Variants in PTPRH observed in about 807,000 individuals in gnomAD.
PTPRH encodes protein tyrosine phosphatase receptor type H.
Under a neutral mutation model 130.2 loss-of-function variants are expected in PTPRH, and 113 were observed. The observed-to-expected ratio is 0.87, with a 90% CI of 0.75 to 1.01. The LOEUF (loss-of-function observed/expected upper bound fraction) is 1.01, where lower values mean the gene tolerates loss of function less well. Ranked by LOEUF, PTPRH falls within the 50% of genes least tolerant of loss-of-function variation. The pLI is 0.00. For missense variants in PTPRH, 1,430 were observed against 1,425.0 expected (o/e 1.00, Z -0.06); for synonymous variants, 556 against 577.9 (o/e 0.96, Z 0.54).
intron 10 of PTPRH, chr19:55,194,252 A>G (rs2086623543): frequency 1.6e-6 from 2 of 1,289,664 alleles, no homozygotes; most frequent in Admixed American, 2.3e-5. Flanking sequence ...CCTATGGCCC[A>G]TCTTCATCAG....
At chr19:55,207,309 A>C in intron 1 of PTPRH, 110 bp from the exon 2 acceptor site, 1 of 1,240,038 alleles carries the variant, frequency 8.1e-7, no homozygotes, top group Non-Finnish European at 1.1e-6. Context: ...TCACCCTTGC[A>C]TGGGAAGGAG....
At chr19:55,189,361 A>G (rs2086457162) in intron 12 of PTPRH, among the ~76,000 whole-genome samples, 1 of 152,158 alleles carries the variant, frequency 6.6e-6, no homozygotes, top group Admixed American at 6.6e-5. Flanking sequence ...TCACTAGCCT[A>G]TTCAAAATCT....
Position 55,198,777 on chromosome 19 carries a change from TC to T in PTPRH, c.1555del (p.Asp519ThrfsTer14). On this transcript the variant is annotated frameshift_variant, in exon 8 of 20. Transcript: ENST00000376350. LOFTEE classifies it high-confidence loss of function. ...WVSWVREGMT[D>X]PRTQSTSGTD... Reference sequence around the variant, plus strand: ...ACCTGAGGTGCTTTGGGTCCTGGGGTCAGTCATGCCTTCCCTGACCCATGAG... The same window carrying T: ...ACCTGAGGTGCTTTGGGTCCTGGGGTAGTCATGCCTTCCCTGACCCATGAG... 1 of 1,613,602 alleles carries T rather than the reference TC, an allele frequency of 6.2e-7. No individual in the cohort carries two copies. The highest frequency in any genetic ancestry group is 8.5e-7 in the Non-Finnish European group (1 of 1,179,790).
intron 3 of PTPRH, 25 bp downstream of exon 3, chr19:55,206,664 A>C: frequency 6.4e-7 from 1 of 1,554,616 alleles, no homozygotes; most frequent in Non-Finnish European, 8.7e-7. Flanking sequence ...AAAGAAATAA[A>C]AATAAAGCAG....
Position 55,204,029 on chromosome 19 carries a change from G to A in PTPRH, c.639C>T (p.Asn213=), listed in dbSNP as rs932203607. ...TGGTGGTCTGAGCCTCCACTCTCAGGTTCCTCACTGGGTTGTGAGCTGAGA... is the reference window on the plus strand; with the variant it reads ...TGGTGGTCTGAGCCTCCACTCTCAGATTCCTCACTGGGTTGTGAGCTGAGA... ...NATTAHNPVR[N]LRVEAQTTSS... The change falls in exon 5 of 20, where the codon AAC becomes AAT. Residue 213 remains asparagine (N), a synonymous_variant. Coordinates refer to ENST00000376350, the MANE Select transcript of PTPRH (RefSeq NM_002842.5). 20 of 1,613,730 alleles carry A rather than the reference G, an allele frequency of 1.2e-5. No homozygotes were observed. Among genetic ancestry groups the A allele is most frequent in the Non-Finnish European group, 1.6e-5 (19 of 1,179,808 alleles).
At chr19:55,198,413 C>G (rs1176650138) in intron 8 of PTPRH, among the ~76,000 whole-genome samples, 1 of 152,106 alleles carries the variant, frequency 6.6e-6, no homozygotes, top group Non-Finnish European at 1.5e-5. Context: ...CCCCCTGACC[C>G]CAAAGAGTCC....
At position 55,191,663 on chromosome 19, in the gene PTPRH, C is replaced by A. The variant is rs777128912; in HGVS notation, c.2336G>T (p.Arg779Met). Residue 779 changes from arginine to methionine, a missense_variant and splice_region_variant, in exon 11 of 20, where the codon AGG becomes ATG. By Grantham distance (91) the Arg-to-Met change is moderately conservative. Transcript: ENST00000376350. ...VGLLIFFLKR[R>M]NKKKQQKPEL... Reference sequence around the variant, plus strand: ...CGGTCAGCCCTGTGCTGAGTCTCACCTCCTCTTCAGGAAGAAAATCAGCAG... The same window carrying A: ...CGGTCAGCCCTGTGCTGAGTCTCACATCCTCTTCAGGAAGAAAATCAGCAG... The A allele has an allele frequency of 9.3e-6, 15 of 1,614,002 alleles. No homozygotes were observed. Among genetic ancestry groups the A allele is most frequent in the South Asian group, 8.8e-5 (8 of 91,070 alleles).
rs2147493436 is a variant in PTPRH, at chr19:55,196,662, G to A, written c.2117C>T (p.Ser706Phe). The A allele has an allele frequency of 6.2e-7, 1 of 1,614,016 alleles. No individual in the cohort carries two copies. Among genetic ancestry groups the A allele is most frequent in the Non-Finnish European group, 8.5e-7 (1 of 1,180,000 alleles). The change falls in exon 10 of 20, where the codon TCC becomes TTC. Residue 706 changes from serine (S) to phenylalanine (F), a missense_variant. Coordinates refer to ENST00000376350, the MANE Select transcript of PTPRH (RefSeq NM_002842.5). ...FELEVGGQRG[S>F]QDRSSCGEAV... The stretch of plus-strand genomic sequence containing the variant: ...CTCCCCACATGAAGATCTGTCCTGG[G>A]AGCCCCGCTGTCCTCCCACCTCCAA...
intron 13 of PTPRH, 95 bp from the exon 14 acceptor site, chr19:55,187,698 C>T (rs1673348319): frequency 2.3e-6 from 2 of 888,840 alleles, no homozygotes; most frequent in African/African-American, 3.3e-5. Context: ...TCGGCATCAC[C>T]CCTTGTTTAT....
In PTPRH at chr19:55,200,174, C is replaced by T. The variant is rs917981634; in HGVS notation, c.1420+62G>A. On this transcript the variant is annotated intron_variant, in intron 7 of 19. Transcript: ENST00000376350. ...GAGCCAGAGCCCAGAAGAGGTGCCA[C>T]GCCGCTCCTGCTGGTTCTTAACCTC... 14 of 1,577,710 alleles carry T rather than the reference C, an allele frequency of 8.9e-6. No individual in the cohort carries two copies. In the East Asian group the frequency reaches 1.1e-4, roughly 13 times the overall value.
At chr19:55,204,322 C>G (rs1194404921) in intron 4 of PTPRH, among the ~76,000 whole-genome samples, 1 of 152,158 alleles carries the variant, frequency 6.6e-6, no homozygotes, top group Non-Finnish European at 1.5e-5. Context: ...CCAGGCTGGT[C>G]TCGAACTCCT....
chr19:55,186,035 T>TG (rs1356192797), intron 16 of PTPRH, 51 bp from the exon 17 acceptor site: 1 of 1,612,904 alleles, frequency 6.2e-7, no homozygotes, highest in Non-Finnish European at 8.5e-7. Flanking sequence ...CCCAGGTCTG[T>TG]GGGGTCTGCT....
chr19:55,197,405 C>G lies in PTPRH; in HGVS notation c.1702G>C (p.Val568Leu), dbSNP rs761765123. 1.2e-6 allele frequency: 2 copies of G among 1,612,116 alleles called. No individual in the cohort carries two copies. Among genetic ancestry groups the G allele is most frequent in the Admixed American group, 3.3e-5 (2 of 59,988 alleles). ...TLTAATAPNE[V>L]TDLQNETQTK... ...TGAGTTTCATTCTGGAGATCTGTGA[C>G]CTCATTGGGAGCTGAGAAGTGAGAA... The change falls in exon 9 of 20, where the codon GTC (valine) becomes CTC (leucine). Residue 568 changes from valine to leucine, a missense_variant. Val to Leu is a conservative substitution (Grantham distance 32). Coordinates refer to ENST00000376350, the MANE Select transcript of PTPRH (RefSeq NM_002842.5).
In PTPRH at chr19:55,197,197, G is replaced by T; in HGVS notation, c.1910C>A (p.Pro637His). Residue 637 changes from proline to histidine, a missense_variant, in exon 9 of 20, where the codon CCC becomes CAC. Coordinates refer to ENST00000376350, the MANE Select transcript of PTPRH (RefSeq NM_002842.5). ...ETWYKVEALE[P>H]GTLYNFTVWA... Reference sequence around the variant, plus strand: ...CACGGTGAAATTGTACAACGTCCCGGGTTCCAGGGCCTCCACTTTGTACCA... The same window carrying T: ...CACGGTGAAATTGTACAACGTCCCGTGTTCCAGGGCCTCCACTTTGTACCA... The T allele has an allele frequency of 6.2e-7, 1 of 1,614,216 alleles. No individual in the cohort carries two copies. The highest frequency in any genetic ancestry group is 8.5e-7 in the Non-Finnish European group (1 of 1,180,048).
At position 55,194,097 on chromosome 19, in the gene PTPRH, G is replaced by A. The variant is rs528060415; in HGVS notation, c.2258-2356C>T. 110 of 1,200,644 alleles carry A rather than the reference G, an allele frequency of 9.2e-5. No individual in the cohort carries two copies. The African/African-American group carries it at 9.6e-4, about 10-fold the overall frequency. 74.4% of individuals were successfully genotyped at this position (1,200,644 alleles called of 1,614,324 possible). On this transcript the variant is annotated intron_variant, in intron 10 of 19. Transcript: ENST00000376350. ...ACTCCCAACCACAGGTGATCCTCCCGCCTCGGCCTCCCAAAGTGCTGGGAT... is the reference window on the plus strand; with the variant it reads ...ACTCCCAACCACAGGTGATCCTCCCACCTCGGCCTCCCAAAGTGCTGGGAT...
intron 12 of PTPRH, among the ~76,000 whole-genome samples, chr19:55,190,615 T>C (rs1335813458): frequency 7.4e-6 from 1 of 134,454 alleles, no homozygotes; most frequent in Non-Finnish European, 1.5e-5. Context: ...ATATTATATA[T>C]ATTATAAATT....
chr19:55,207,134 G>A (rs1309504103), intron 2 of PTPRH, 32 bp downstream of exon 2: 9 of 1,612,104 alleles, frequency 5.6e-6, no homozygotes, highest in Non-Finnish European at 7.6e-6. Context: ...ACCTCTTCGA[G>A]TGGGCAGTGA....
In PTPRH at chr19:55,185,987, G is replaced by A. The variant is rs753894109; in HGVS notation, c.2779-3C>T. The stretch of plus-strand genomic sequence containing the variant: ...GGCCAGTAATGCTCACACTTCACCT[G>A]GGGGAGGAGGAGGGGTCAGAGAACA... On this transcript the variant is annotated splice_region_variant and splice_polypyrimidine_tract_variant and intron_variant, in intron 16 of 19. Transcript: ENST00000376350. 5.0e-6 allele frequency: 8 copies of A among 1,613,744 alleles called. No homozygotes were observed. In the East Asian group the frequency reaches 1.3e-4, roughly 27 times the overall value.
intron 14 of PTPRH, 114 bp from the exon 15 acceptor site, chr19:55,186,654 A>T: frequency 2.3e-6 from 1 of 431,802 alleles, no homozygotes; most frequent in Non-Finnish European, 2.9e-6. Context: ...CCCATGGACA[A>T]AAGTCATGCC....
Sources: allele counts gnomAD v4.1 joint callset (sites outside exome capture counted in the v4.1 genomes callset), GRCh38; gene constraint gnomAD v4.1.1; transcripts MANE v1.5; gene names NCBI Gene and HGNC (gene_info 2026-07-23, HGNC 2026-07-21).